CSNK1E: variants seen among roughly 807,000 people sequenced by gnomAD.
CSNK1E encodes casein kinase 1 epsilon, also known as casein kinase I isoform epsilon.
CSNK1E carries 17 observed loss-of-function variants against 46.1 expected under a neutral mutation model. That is an observed-to-expected ratio of 0.37 (90% CI 0.25 to 0.55). CSNK1E has a LOEUF of 0.55. Among genes scored for constraint, CSNK1E ranks in the 20% least tolerant of loss-of-function variants. CSNK1E has a pLI of 0.82. For synonymous variants in CSNK1E, 241 were observed against 242.6 expected (o/e 0.99, Z 0.06); for missense variants, 386 against 595.4 (o/e 0.65, Z 3.66).
chr22:38,306,548 T>C (rs2092699418), intron 2 of CSNK1E, among the ~76,000 whole-genome samples: 1 of 152,110 alleles, frequency 6.6e-6, no homozygotes, highest in African/African-American at 2.4e-5. Flanking sequence ...CTGGCCAACA[T>C]GGTGAAACCC....
In CSNK1E at chr22:38,300,716, TC is replaced by T. The variant is rs2092667362; in HGVS notation, c.565+7del. 1 of 1,613,598 alleles carries T rather than the reference TC, an allele frequency of 6.2e-7. No individual in the cohort carries two copies. Among genetic ancestry groups the T allele is most frequent in the Non-Finnish European group, 8.5e-7 (1 of 1,179,596 alleles). ...GGGTGCACACTGCTCCAGGCCTGGC[TC>T]CCTCACCAATGCCCAGGTGCGTGTT... On this transcript the variant is annotated splice_region_variant and intron_variant, in intron 5 of 10. Coordinates refer to ENST00000396832, the MANE Select transcript of CSNK1E (RefSeq NM_152221.3). This position sits in a 1 kb window ranked among gnomAD's most constrained non-coding sequence, Gnocchi z 4.4.
rs1187325960 is a variant in CSNK1E at position 38,309,904 on chromosome 22, C to G, written c.76+4178G>C. ...TGGAAACCTGCCAGAGCTGCCTCCC[C>G]CTGCAGCAGGTCCTGCCACCAATGA... On this transcript the variant is annotated intron_variant, in intron 2 of 10. Coordinates refer to ENST00000396832, the MANE Select transcript of CSNK1E (RefSeq NM_152221.3). This position sits in a 1 kb window ranked among gnomAD's most constrained non-coding sequence, Gnocchi z 4.8. Among the ~76,000 whole-genome samples, 2 of 152,228 alleles carry G rather than the reference C, an allele frequency of 1.3e-5. No homozygotes were observed. Among genetic ancestry groups the G allele is most frequent in the Admixed American group, 6.5e-5 (1 of 15,282 alleles).
rs370329105 is a variant in CSNK1E, at chr22:38,314,121, G to A, written c.37C>T (p.Arg13Trp). Residue 13 changes from arginine (R) to tryptophan (W), a missense_variant, in exon 2 of 11, where the codon CGG (arginine) becomes TGG (tryptophan). By Grantham distance (101) the Arg-to-Trp change is moderately radical. Transcript: ENST00000396832. ...LRVGNKYRLG[R>W]KIGSGSFGDI... is the part of the protein sequence containing the mutation. ...CCGAAGGACCCGCTCCCGATCTTCC[G>A]TCCCAGGCGGTACTTGTTCCCCACA... 6.2e-7 allele frequency: 1 copy of A among 1,614,016 alleles called. No individual in the cohort carries two copies.
In CSNK1E at chr22:38,290,909, C is replaced by T. The variant is rs1483568918; in HGVS notation, c.*1062G>A. 7.0e-6 allele frequency: 1 copy of T among 142,648 alleles called. No homozygotes were observed. Among genetic ancestry groups the T allele is most frequent in the Admixed American group, 7.0e-5 (1 of 14,296 alleles). The allele number at this position is 142,648 out of a possible 1,614,324, so 8.8% of individuals were successfully genotyped here. ...CAGAGGTAAATAAATTAGGAAAACA[C>T]ACACACGGAGAAAACAAACAAAAAT... On this transcript the variant is annotated 3_prime_UTR_variant, in exon 11 of 11. Transcript: ENST00000396832.
rs2092679911 is a variant in CSNK1E at position 38,302,787 on chromosome 22, C to G, written c.336+74G>C. On this transcript the variant is annotated intron_variant, in intron 4 of 10. Transcript: ENST00000396832. ...GCCCAGGCCCATCCTCTGGCATCCT[C>G]TGGGGGCAGGAGGCAGGGCTGGTAT... 4 of 1,573,190 alleles carry G rather than the reference C, an allele frequency of 2.5e-6. No homozygotes were observed. In the African/African-American group the frequency reaches 4.0e-5, roughly 16 times the overall value.
chr22:38,317,699 G>A (rs945196871), upstream of CSNK1E, among the ~76,000 whole-genome samples: 5 of 151,990 alleles, frequency 3.3e-5, no homozygotes, highest in African/African-American at 1.2e-4. Context: ...GGAAGAGGAG[G>A]GCGCACAAAA....
intron 7 of CSNK1E, chr22:38,297,522 G>C: frequency 1.0e-6 from 1 of 1,004,982 alleles, no homozygotes; most frequent in Non-Finnish European, 1.2e-6. Flanking sequence ...GCCGACCTTG[G>C]CTTCCAGGAG....
At chr22:38,312,103 C>G (rs867664319) in intron 2 of CSNK1E, among the ~76,000 whole-genome samples, 5 of 152,232 alleles carry the variant, frequency 3.3e-5, no homozygotes, top group Non-Finnish European at 5.9e-5. Flanking sequence ...ATCTCCTGGC[C>G]TCCTTTTTTT....
chr22:38,297,166 C>A (rs1440276274), intron 7 of CSNK1E: 2 of 778,518 alleles, frequency 2.6e-6, no homozygotes, highest in South Asian at 1.3e-5. Flanking sequence ...CTAGAGAATA[C>A]AAAATCCATT....
At chr22:38,302,674 G>A (rs892542578) in intron 4 of CSNK1E, among the ~76,000 whole-genome samples, 187 bp downstream of exon 4, 3 of 152,198 alleles carry the variant, frequency 2.0e-5, no homozygotes, top group Admixed American at 2.0e-4. Context: ...TCGCACCACT[G>A]CGCTCCAGCC....
chr22:38,295,109 A>G (rs1212345739), intron 7 of CSNK1E, among the ~76,000 whole-genome samples: 1 of 152,164 alleles, frequency 6.6e-6, no homozygotes, highest in Non-Finnish European at 1.5e-5. Flanking sequence ...GGGACCTGGC[A>G]ATGGCTTCTG....
At chr22:38,297,071 G>T in intron 7 of CSNK1E, 2 of 759,440 alleles carry the variant, frequency 2.6e-6, no homozygotes. Context: ...ACCAGGCCTG[G>T]CCGACATTTC....
chr22:38,309,590 G>C lies in CSNK1E; in HGVS notation c.76+4492C>G, dbSNP rs1190130071. 1.2e-4 allele frequency among the ~76,000 whole-genome samples: 19 copies of C among 152,084 alleles called. No homozygotes were observed. Among genetic ancestry groups the C allele is most frequent in the Non-Finnish European group, 5.9e-5 (4 of 68,028 alleles). ...ATGCCTCAGCCTCCCGAGTAACTGG[G>C]ATTACAAGCAGACACCACCACGCCT... On this transcript the variant is annotated intron_variant, in intron 2 of 10. Transcript: ENST00000396832. The surrounding 1 kb of genome is among the most constrained non-coding windows in gnomAD (Gnocchi z 4.8).
intron 2 of CSNK1E, among the ~76,000 whole-genome samples, chr22:38,312,091 A>G: frequency 6.6e-6 from 1 of 152,112 alleles, no homozygotes; most frequent in South Asian, 2.1e-4. Context: ...GGTGTGAGCC[A>G]TATCTCCTGG....
chr22:38,291,017 G>T lies in CSNK1E; in HGVS notation c.*954C>A, dbSNP rs988493431. ...AGCCCTGACTCCAGGCTCCTCCTCA[G>T]AAAGGTGGAACCAGGGAGAGGGGGG... is the stretch of plus-strand genomic sequence containing the variant. On this transcript the variant is annotated 3_prime_UTR_variant, in exon 11 of 11. Coordinates refer to ENST00000396832, the MANE Select transcript of CSNK1E (RefSeq NM_152221.3). 8 of 152,490 alleles carry T rather than the reference G, an allele frequency of 5.2e-5. No homozygotes were observed. The East Asian group carries it at 1.5e-3, about 29-fold the overall frequency. The allele number at this position is 152,490 out of a possible 1,614,324, so 9.4% of individuals were successfully genotyped here. A position where few individuals can be genotyped will look rare whatever the true frequency, so the allele number is the denominator to read the frequency against.
rs2092650990 is a variant in CSNK1E, at chr22:38,298,195, G to A, written c.885+591C>T. Reference sequence around the variant, plus strand: ...TGTCACGGGGCTGAGCCTGGCTCGAGGAAGCCCCCTTTTCCAGAAGAGATG... The same window carrying A: ...TGTCACGGGGCTGAGCCTGGCTCGAAGAAGCCCCCTTTTCCAGAAGAGATG... On this transcript the variant is annotated intron_variant, in intron 7 of 10. Transcript: ENST00000396832. This position sits in a 1 kb window ranked among gnomAD's most constrained non-coding sequence, Gnocchi z 4.2. 3.1e-6 allele frequency: 4 copies of A among 1,303,970 alleles called. No homozygotes were observed. The highest frequency in any genetic ancestry group is 4.0e-6 in the Non-Finnish European group (4 of 988,848). 80.8% of individuals were successfully genotyped at this position (1,303,970 alleles called of 1,614,324 possible).
chr22:38,308,755 G>C (rs2092709188), intron 2 of CSNK1E, among the ~76,000 whole-genome samples: 1 of 152,088 alleles, frequency 6.6e-6, no homozygotes, highest in Admixed American at 6.6e-5. Flanking sequence ...GCCTCCGGGA[G>C]GGCAGGCTGC....
At chr22:38,310,332 T>G (rs76207320) in intron 2 of CSNK1E, among the ~76,000 whole-genome samples, 4,166 of 152,230 alleles carry the variant, frequency 0.027, 118 homozygotes, top group South Asian at 0.091. Flanking sequence ...CTAGAGGGGC[T>G]GGGAACTTGG....
chr22:38,308,817 C>T (rs535081507), intron 2 of CSNK1E, among the ~76,000 whole-genome samples: 8 of 152,174 alleles, frequency 5.3e-5, no homozygotes, highest in African/African-American at 1.9e-4. Flanking sequence ...AGAGAGGTCA[C>T]GGCACAAGCA....
Sources: allele counts gnomAD v4.1 joint callset (sites outside exome capture counted in the v4.1 genomes callset), GRCh38; gene constraint gnomAD v4.1.1; non-coding constraint Gnocchi (gnomAD v3.1); transcripts MANE v1.5; gene names NCBI Gene and HGNC (gene_info 2026-07-23, HGNC 2026-07-21).